Variants in C2orf42 observed in about 807,000 individuals in gnomAD.
C2orf42 encodes the protein chromosome 2 open reading frame 42, also known as uncharacterized protein C2orf42.
C2orf42 carries 44 observed loss-of-function variants against 58.9 expected under a neutral mutation model. The observed-to-expected ratio is 0.75, with a 90% CI of 0.59 to 0.96. C2orf42 has a LOEUF of 0.96. Among genes scored for constraint, C2orf42 ranks in the 40% least tolerant of loss-of-function variants. The pLI, the probability that C2orf42 is intolerant of heterozygous loss-of-function variation, is 0.00. For synonymous variants in C2orf42, 239 were observed against 265.4 expected, an observed-to-expected ratio of 0.90 and a Z score of 0.97; for missense variants, 630 against 699.2, an observed-to-expected ratio of 0.90 and a Z score of 1.12.
chr2:70,155,635 C>T (rs1375842986), intron 9 of C2orf42, among the ~76,000 whole-genome samples: 1 of 151,352 alleles, frequency 6.6e-6, no homozygotes, highest in African/African-American at 2.4e-5. Flanking sequence ...CCCATCTCTA[C>T]TAAAAATACA....
chr2:70,179,390 A>G, intron 4 of C2orf42, 142 bp downstream of exon 4: 1 of 316,010 alleles, frequency 3.2e-6, no homozygotes, highest in Non-Finnish European at 5.7e-6. Flanking sequence ...GCAAGATGGT[A>G]AGACCCCTGT....
At chr2:70,164,585 T>C (rs958102080) in intron 8 of C2orf42, among the ~76,000 whole-genome samples, 1 of 151,738 alleles carries the variant, frequency 6.6e-6, no homozygotes, top group Non-Finnish European at 1.5e-5. Flanking sequence ...TGAGCCAAGA[T>C]TGCGCCACTG....
Position 70,150,147 on chromosome 2 carries a change from T to C in C2orf42, c.*209A>G. 1 of 586,782 alleles carries C rather than the reference T, an allele frequency of 1.7e-6. No homozygotes were observed. Among genetic ancestry groups the C allele is most frequent in the Non-Finnish European group, 3.0e-6 (1 of 329,754 alleles). 36.3% of individuals were successfully genotyped at this position (586,782 alleles called of 1,614,324 possible). ...CTAGCCAGAAATACTGCCCAATGCA[T>C]AATGAAGACTGTACACAGCAGCATC... On this transcript the variant is annotated 3_prime_UTR_variant, in exon 10 of 10. Coordinates refer to ENST00000264434, the MANE Select transcript of C2orf42 (RefSeq NM_017880.3).
intron 4 of C2orf42, among the ~76,000 whole-genome samples, chr2:70,177,979 G>T (rs1674302260): frequency 6.6e-6 from 1 of 152,168 alleles, no homozygotes; most frequent in Non-Finnish European, 1.5e-5. Flanking sequence ...GGTCCAGGCT[G>T]CAGTGAGCCA....
intron 9 of C2orf42, among the ~76,000 whole-genome samples, chr2:70,153,164 G>C (rs1249117643): frequency 1.3e-5 from 2 of 152,064 alleles, no homozygotes; most frequent in African/African-American, 4.8e-5. Context: ...TCTTAGTTTT[G>C]TGTGTTTTTT....
chr2:70,181,008 A>C (rs1674525374), intron 3 of C2orf42, among the ~76,000 whole-genome samples, 155 bp downstream of exon 3: 1 of 150,440 alleles, frequency 6.6e-6, no homozygotes, highest in African/African-American at 2.4e-5. Flanking sequence ...CTCAAAAAAA[A>C]AAAAAAAAAA....
At chr2:70,157,564 A>G (rs1672761118) in intron 9 of C2orf42, among the ~76,000 whole-genome samples, 1 of 152,230 alleles carries the variant, frequency 6.6e-6, no homozygotes, top group Non-Finnish European at 1.5e-5. Flanking sequence ...TGGGAGGCCA[A>G]GGTGGGCGGA....
At position 70,153,431 on chromosome 2, in the gene C2orf42, T is replaced by C. The variant is rs189855715; in HGVS notation, c.1517-2867A>G. Among the ~76,000 whole-genome samples, 1,052 of 149,452 alleles carry C rather than the reference T, an allele frequency of 7.0e-3. 11 individuals carry two copies. Among genetic ancestry groups the C allele is most frequent in the Non-Finnish European group, 0.012 (828 of 67,584 alleles). On this transcript the variant is annotated intron_variant, in intron 9 of 9. Transcript: ENST00000264434. Reference sequence around the variant, plus strand: ...CAGGCTGTAGTGGTGCGATCTCGGCTCACTGCAAGCTCTGCCTCCCAGGTT... The same window carrying C: ...CAGGCTGTAGTGGTGCGATCTCGGCCCACTGCAAGCTCTGCCTCCCAGGTT...
chr2:70,160,242 C>T (rs914182637), intron 9 of C2orf42, among the ~76,000 whole-genome samples: 1 of 150,888 alleles, frequency 6.6e-6, no homozygotes, highest in South Asian at 2.1e-4. Context: ...TGGGTTCAAG[C>T]GATTCTTGTG....
chr2:70,174,047 C>G (rs1573011043), intron 5 of C2orf42, among the ~76,000 whole-genome samples: 1 of 152,144 alleles, frequency 6.6e-6, no homozygotes, highest in African/African-American at 2.4e-5. Flanking sequence ...GTGGCTCACA[C>G]CTGTAATCTC....
At chr2:70,170,404 C>T (rs1673729692) in intron 5 of C2orf42, among the ~76,000 whole-genome samples, 1 of 151,814 alleles carries the variant, frequency 6.6e-6, no homozygotes, top group African/African-American at 2.4e-5. Context: ...GTCACCATGC[C>T]CAGCCAATTT....
chr2:70,172,223 CAA>C (rs1171174664), intron 5 of C2orf42, among the ~76,000 whole-genome samples: 18 of 58,184 alleles, frequency 3.1e-4, no homozygotes, highest in South Asian at 5.1e-4. Flanking sequence ...GACTCTGTCT[CAA>C]AAAAAAAAAA....
At chr2:70,180,046 C>T (rs1190809396) in intron 3 of C2orf42, among the ~76,000 whole-genome samples, 1 of 152,188 alleles carries the variant, frequency 6.6e-6, no homozygotes, top group Non-Finnish European at 1.5e-5. Context: ...AATCCCAGCA[C>T]TCTGGGAGGC....
intron 6 of C2orf42, among the ~76,000 whole-genome samples, chr2:70,168,003 T>C (rs911375167): frequency 2.6e-5 from 4 of 151,498 alleles, no homozygotes; most frequent in Non-Finnish European, 5.9e-5. Context: ...GAGGCCGAGG[T>C]AGGTGGATCA....
chr2:70,172,150 G>C (rs1391426809), intron 5 of C2orf42, among the ~76,000 whole-genome samples: 1 of 151,328 alleles, frequency 6.6e-6, no homozygotes, highest in Non-Finnish European at 1.5e-5. Context: ...CTTGAGCCCA[G>C]GAGGCGGAGG....
chr2:70,173,491 G>C (rs574796212), intron 5 of C2orf42, among the ~76,000 whole-genome samples: 42 of 152,012 alleles, frequency 2.8e-4, no homozygotes, highest in Non-Finnish European at 5.4e-4. Flanking sequence ...TGGCCAGGCT[G>C]GTCTCAAACT....
intron 9 of C2orf42, among the ~76,000 whole-genome samples, chr2:70,158,980 C>A (rs147727793): frequency 7.0e-6 from 1 of 143,688 alleles, no homozygotes; most frequent in African/African-American, 2.6e-5. Context: ...GGCGCGATCT[C>A]GGCTCACTGC....
chr2:70,188,763 G>A (rs751145799), intron 1 of C2orf42, among the ~76,000 whole-genome samples: 1 of 152,098 alleles, frequency 6.6e-6, no homozygotes, highest in African/African-American at 2.4e-5. Flanking sequence ...CCTCAAGTCC[G>A]TGAGTTTGTC....
intron 8 of C2orf42, among the ~76,000 whole-genome samples, chr2:70,162,712 A>G (rs1056422007): frequency 6.6e-6 from 1 of 151,890 alleles, no homozygotes; most frequent in East Asian, 1.9e-4. Flanking sequence ...GCCTCAAGCA[A>G]TCCTTCATCT....
Sources: gnomAD v4.1 joint callset for allele counts (sites outside exome capture counted in the v4.1 genomes callset) on GRCh38, gnomAD v4.1.1 for gene constraint, MANE v1.5 for transcripts, NCBI Gene and HGNC (gene_info 2026-07-23, HGNC 2026-07-21) for gene names.